The following NEK10 variants were observed in gnomAD, a reference collection of about 807,000 sequenced individuals.
NEK10 encodes serine/threonine-protein kinase Nek10.
Under a neutral mutation model 159.8 loss-of-function variants are expected in NEK10, and 122 were observed. The ratio of observed to expected loss-of-function variants is 0.76; its 90% CI spans 0.66 to 0.89. The LOEUF (loss-of-function observed/expected upper bound fraction) is 0.89. NEK10 is among the 40% of genes least tolerant of loss of function. The pLI is 0.00. For missense variants in NEK10, 1,342 were observed against 1,323.1 expected (o/e 1.01, Z -0.22); for synonymous variants, 466 against 457.1 (o/e 1.02, Z -0.25).
chr3:27,140,024 A>G (rs2125570914), intron 31 of NEK10, among the ~76,000 whole-genome samples: 1 of 152,324 alleles, frequency 6.6e-6, no homozygotes, highest in African/African-American at 2.4e-5. Flanking sequence ...GACCACTAAT[A>G]GCAAACTGAG....
rs1363402793 is a variant in NEK10, at chr3:27,346,122, T to G, written c.227A>C (p.His76Pro). 1.9e-6 allele frequency: 3 copies of G among 1,613,756 alleles called. No individual in the cohort carries two copies. Among genetic ancestry groups the G allele is most frequent in the Non-Finnish European group, 2.5e-6 (3 of 1,179,712 alleles). ...AAGTTCAACAGCTTCTGTGGATTCA[T>G]GCCACTGACCCCGAGCTCTGTGTCC... ...AGGHRARGQW[H>P]ESTEAVELEN... The change falls in exon 4 of 36, where the codon CAT becomes CCT. Residue 76 changes from histidine (H) to proline (P), a missense_variant. Physicochemically the swap from His to Pro is moderately conservative, Grantham distance 77 (BLOSUM62 -2). Transcript: ENST00000691995.
At chr3:27,253,429 T>A (rs958783886) in intron 23 of NEK10, among the ~76,000 whole-genome samples, 2 of 152,212 alleles carry the variant, frequency 1.3e-5, no homozygotes, top group African/African-American at 4.8e-5. Flanking sequence ...GTACCATATT[T>A]GGATATTTTT....
At chr3:27,331,674 G>A (rs561053207) in intron 5 of NEK10, among the ~76,000 whole-genome samples, 95 of 152,144 alleles carry the variant, frequency 6.2e-4, no homozygotes, top group Non-Finnish European at 1.2e-3. Flanking sequence ...TATTGATAAC[G>A]AATTGTCTGA....
At chr3:27,124,671 G>C (rs138648577) in intron 32 of NEK10, among the ~76,000 whole-genome samples, 1 of 152,190 alleles carries the variant, frequency 6.6e-6, no homozygotes, top group African/African-American at 2.4e-5. Context: ...AGCAGAGCAG[G>C]TGAAAAAGCG....
chr3:27,197,835 T>C (rs1368510880), intron 25 of NEK10, among the ~76,000 whole-genome samples: 1 of 151,992 alleles, frequency 6.6e-6, no homozygotes, highest in Non-Finnish European at 1.5e-5. Flanking sequence ...TTAGGGTACA[T>C]GTGCACAACG....
rs1314381683 is a variant in NEK10 at position 27,218,627 on chromosome 3, G to A, written c.2091-16070C>T. Among the ~76,000 whole-genome samples, 5 of 141,944 alleles carry A rather than the reference G, an allele frequency of 3.5e-5. No individual in the cohort carries two copies. The East Asian group carries it at 6.0e-4, about 17-fold the overall frequency. The allele number at this position is 141,944 out of a possible 152,430, so 93.1% of individuals were successfully genotyped here. The stretch of plus-strand genomic sequence containing the variant: ...CTCAAAAAAAAAAAAAAAAAAAGAC[G>A]GGACTACTGTGTATACCATGACCAA... On this transcript the variant is annotated intron_variant, in intron 23 of 35. Coordinates refer to ENST00000691995, the MANE Select transcript of NEK10 (RefSeq NM_001394966.1).
At chr3:27,166,377 GT>G (rs965352820) in intron 29 of NEK10, among the ~76,000 whole-genome samples, 43 of 151,884 alleles carry the variant, frequency 2.8e-4, no homozygotes, top group African/African-American at 9.9e-4. Context: ...CTTACTATGT[GT>G]TTTTTTGTTT....
At chr3:27,323,343 G>A (rs1039255105) in intron 5 of NEK10, among the ~76,000 whole-genome samples, 3 of 152,188 alleles carry the variant, frequency 2.0e-5, no homozygotes, top group Non-Finnish European at 4.4e-5. Context: ...AGCATTCCCA[G>A]ACACTCCCAC....
intron 5 of NEK10, among the ~76,000 whole-genome samples, chr3:27,338,879 C>T (rs951677842): frequency 1.3e-5 from 2 of 151,776 alleles, no homozygotes; most frequent in Non-Finnish European, 2.9e-5. Flanking sequence ...AGGTTGTGGT[C>T]TAGGCAAAGA....
intron 32 of NEK10, among the ~76,000 whole-genome samples, chr3:27,123,523 A>G (rs1941569424): frequency 6.6e-6 from 1 of 152,318 alleles, no homozygotes; most frequent in African/African-American, 2.4e-5. Context: ...TTAATTTAGT[A>G]TTTTTAATCA....
chr3:27,148,676 G>A (rs1358501732), intron 30 of NEK10, among the ~76,000 whole-genome samples: 3 of 152,164 alleles, frequency 2.0e-5, no homozygotes, highest in African/African-American at 2.4e-5. Flanking sequence ...GCTTTTCGCT[G>A]TTAATTCAAT....
intron 12 of NEK10, among the ~76,000 whole-genome samples, chr3:27,302,936 T>C (rs1457861493): frequency 1.3e-5 from 2 of 152,154 alleles, no homozygotes; most frequent in South Asian, 2.1e-4. Context: ...GAGTTTGAGA[T>C]GGCAGGTGAA....
At chr3:27,309,144 G>GTTTT (rs10662525) in intron 9 of NEK10, 139 bp from the exon 10 acceptor site, 4,994 of 369,388 alleles carry the variant, frequency 0.014, 8 homozygotes, top group Middle Eastern at 0.026. Flanking sequence ...AGGCTTAACT[G>GTTTT]TTTTTTTTTT....
At chr3:27,221,967 A>C (rs1287447706) in intron 23 of NEK10, among the ~76,000 whole-genome samples, 1 of 152,348 alleles carries the variant, frequency 6.6e-6, no homozygotes, top group Non-Finnish European at 1.5e-5. Context: ...AAGTATAAAA[A>C]CATACTTTTT....
chr3:27,254,498 A>G (rs1296078007), intron 23 of NEK10, among the ~76,000 whole-genome samples: 1 of 152,228 alleles, frequency 6.6e-6, no homozygotes, highest in Admixed American at 6.5e-5. Context: ...AGAAAGAAAC[A>G]CAATATGATG....
chr3:27,128,819 T>C lies in NEK10; in HGVS notation c.3081+3061A>G, dbSNP rs183109234. On this transcript the variant is annotated intron_variant, in intron 32 of 35. Coordinates refer to ENST00000691995, the MANE Select transcript of NEK10 (RefSeq NM_001394966.1). The stretch of plus-strand genomic sequence containing the variant: ...CCTTGACACCATACTTACTATGCTA[T>C]CTGTATGTCCAAATATTCCAGTCTA... Among the ~76,000 whole-genome samples the C allele has an allele frequency of 2.6e-3, 392 of 152,248 alleles. 3 individuals carry two copies. The highest frequency in any genetic ancestry group is 9.1e-3 in the African/African-American group (377 of 41,554).
intron 29 of NEK10, among the ~76,000 whole-genome samples, chr3:27,165,485 G>C (rs569058376): frequency 2.0e-5 from 3 of 152,268 alleles, no homozygotes; most frequent in Admixed American, 6.5e-5. Context: ...ATACCAAAGT[G>C]GTTTCACACA....
intron 29 of NEK10, among the ~76,000 whole-genome samples, chr3:27,163,647 C>T (rs777315981): frequency 1.1e-4 from 16 of 152,018 alleles, no homozygotes; most frequent in South Asian, 1.0e-3. Context: ...CCACCACGCC[C>T]GGCCTAGAAC....
chr3:27,199,668 T>C (rs1410562401), intron 25 of NEK10, among the ~76,000 whole-genome samples: 6 of 152,200 alleles, frequency 3.9e-5, no homozygotes, highest in Admixed American at 2.6e-4. Flanking sequence ...CATATGTTCA[T>C]TGCAGCACTA....
Sources: allele counts gnomAD v4.1 joint callset (sites outside exome capture counted in the v4.1 genomes callset), GRCh38; gene constraint gnomAD v4.1.1; transcripts MANE v1.5; gene names NCBI Gene and HGNC (gene_info 2026-07-23, HGNC 2026-07-21).